MMP26: variants seen among roughly 807,000 people sequenced by gnomAD.
MMP26 encodes the protein matrix metalloproteinase-26.
Under a neutral mutation model 31.0 loss-of-function variants are expected in MMP26, and 33 were observed. The ratio of observed to expected loss-of-function variants is 1.06; its 90% CI spans 0.81 to 1.42. The LOEUF (loss-of-function observed/expected upper bound fraction) is 1.42, where lower values mean the gene tolerates loss of function less well. MMP26 is among the 40% of genes most tolerant of loss of function. The pLI is 0.00. For missense variants in MMP26, 347 were observed against 316.1 expected (o/e 1.10, Z -0.74); for synonymous variants, 122 against 114.9 (o/e 1.06, Z -0.40).
intron 2 of MMP26, among the ~76,000 whole-genome samples, chr11:4,893,355 T>C (rs1486537187): frequency 1.3e-5 from 2 of 152,184 alleles, no homozygotes; most frequent in East Asian, 3.9e-4. Flanking sequence ...TAAGGTCCAA[T>C]AGGAGAAGAC....
chr11:4,921,875 G>T (rs1459432901), intron 2 of MMP26, among the ~76,000 whole-genome samples: 3 of 151,998 alleles, frequency 2.0e-5, no homozygotes, highest in Middle Eastern at 3.2e-3. Flanking sequence ...AATTTTAAAG[G>T]GTACAAGTGC....
At chr11:4,944,656 A>C (rs1353542937) in intron 2 of MMP26, 1 of 152,150 alleles carries the variant, frequency 6.6e-6, no homozygotes, top group Non-Finnish European at 1.5e-5. Context: ...ATGGGTAGGT[A>C]AAATGAAAAG....
chr11:4,910,901 T>C (rs895367912), intron 2 of MMP26, among the ~76,000 whole-genome samples: 1 of 152,126 alleles, frequency 6.6e-6, no homozygotes, highest in African/African-American at 2.4e-5. Flanking sequence ...GTCCTAAAAT[T>C]ATAATATGTC....
At chr11:4,908,153 C>T (rs906070592) in intron 2 of MMP26, 3 of 1,614,078 alleles carry the variant, frequency 1.9e-6, no homozygotes, top group African/African-American at 1.3e-5. Context: ...TGCCATGCAT[C>T]ACTTTGCCAA....
At chr11:4,715,033 C>G (rs1198027136) in intron 1 of MMP26, among the ~76,000 whole-genome samples, 1 of 151,974 alleles carries the variant, frequency 6.6e-6, no homozygotes, top group East Asian at 1.9e-4. Context: ...TTAGGCAACA[C>G]AGCATGTTTT....
chr11:4,884,902 G>A (rs941777298), intron 2 of MMP26, among the ~76,000 whole-genome samples: 1 of 151,890 alleles, frequency 6.6e-6, no homozygotes, highest in Non-Finnish European at 1.5e-5. Flanking sequence ...TTGAATGCAG[G>A]GTAATACCTC....
intron 2 of MMP26, among the ~76,000 whole-genome samples, chr11:4,831,359 T>C (rs1849643894): frequency 6.6e-6 from 1 of 152,170 alleles, no homozygotes; most frequent in South Asian, 2.1e-4. Flanking sequence ...CTCAGGCTAC[T>C]GTCAAGATCT....
At chr11:4,721,558 C>T (rs1001542551) in intron 1 of MMP26, among the ~76,000 whole-genome samples, 9 of 152,110 alleles carry the variant, frequency 5.9e-5, no homozygotes, top group Admixed American at 1.3e-4. Flanking sequence ...TTTGTCTTAT[C>T]TCTCATCTTT....
intron 2 of MMP26, among the ~76,000 whole-genome samples, chr11:4,957,346 A>G (rs558129185): frequency 6.6e-6 from 1 of 152,350 alleles, no homozygotes; most frequent in East Asian, 1.9e-4. Flanking sequence ...AAGTTAATCT[A>G]TATCTTCTGC....
intron 2 of MMP26, chr11:4,875,394 A>C (rs1414126690): frequency 6.6e-6 from 1 of 152,066 alleles, no homozygotes; most frequent in Non-Finnish European, 1.5e-5. Context: ...AAAATAATAT[A>C]TATTTATTTT....
chr11:4,798,349 G>A (rs1315641978), intron 2 of MMP26, among the ~76,000 whole-genome samples: 1 of 152,202 alleles, frequency 6.6e-6, no homozygotes. Context: ...AATTTTTCAT[G>A]TCAAGGTGGG....
At chr11:4,852,756 T>C (rs956269999) in intron 2 of MMP26, among the ~76,000 whole-genome samples, 2 of 152,194 alleles carry the variant, frequency 1.3e-5, no homozygotes, top group African/African-American at 4.8e-5. Context: ...CTCAAAGAGA[T>C]ATCTTCACTC....
intron 2 of MMP26, among the ~76,000 whole-genome samples, chr11:4,977,042 C>T (rs186000807): frequency 2.0e-5 from 3 of 151,820 alleles, no homozygotes; most frequent in Non-Finnish European, 2.9e-5. Context: ...GTCTATATAC[C>T]CTTTGTTCAT....
At chr11:4,742,763 T>C (rs189678683) in intron 1 of MMP26, among the ~76,000 whole-genome samples, 119 of 152,236 alleles carry the variant, frequency 7.8e-4, no homozygotes, top group African/African-American at 2.8e-3. Context: ...CATTGGTAAA[T>C]TGGAGATGAT....
At chr11:4,855,116 A>C (rs2133503961) in intron 2 of MMP26, among the ~76,000 whole-genome samples, 1 of 152,294 alleles carries the variant, frequency 6.6e-6, no homozygotes, top group Non-Finnish European at 1.5e-5. Context: ...TGGGGAGAAA[A>C]CAGAGCAGAA....
intron 2 of MMP26, among the ~76,000 whole-genome samples, chr11:4,870,329 G>A (rs1850294155): frequency 6.6e-6 from 1 of 152,028 alleles, no homozygotes; most frequent in Non-Finnish European, 1.5e-5. Context: ...AAAACATGTT[G>A]TTTAAATAAA....
intron 2 of MMP26, chr11:4,848,440 G>C: frequency 6.2e-7 from 1 of 1,614,000 alleles, no homozygotes. Flanking sequence ...ATATAGAAGA[G>C]GAGCACTGCA....
chr11:4,787,243 C>G (rs148285770), intron 2 of MMP26: 10 of 152,422 alleles, frequency 6.6e-5, no homozygotes, highest in African/African-American at 2.4e-4. Context: ...ATCCCTCTTT[C>G]TCATTAAGAG....
At chr11:4,984,772 G>A (rs956310413) in intron 2 of MMP26, among the ~76,000 whole-genome samples, 17 of 151,760 alleles carry the variant, frequency 1.1e-4, no homozygotes, top group African/African-American at 3.9e-4. Context: ...ATTTCAGGAG[G>A]GTTTCATTTA....
Sources: allele counts gnomAD v4.1 joint callset (sites outside exome capture counted in the v4.1 genomes callset), GRCh38; gene constraint gnomAD v4.1.1; transcripts MANE v1.5; gene names NCBI Gene and HGNC (gene_info 2026-07-23, HGNC 2026-07-21).